The following TRIO variants were observed in gnomAD, a reference collection of about 807,000 sequenced individuals.
TRIO encodes trio Rho guanine nucleotide exchange factor.
A neutral mutation model predicts 351.9 loss-of-function variants in TRIO; 58 were observed. That is an observed-to-expected ratio of 0.16 (90% confidence interval 0.13 to 0.21). The LOEUF (loss-of-function observed/expected upper bound fraction) is 0.21, where lower values mean the gene tolerates loss of function less well. Ranked by LOEUF, TRIO falls within the 10% of genes least tolerant of loss-of-function variation. The pLI is 1.00. For missense variants in TRIO, 3,201 were observed against 4,027.8 expected, an observed-to-expected ratio of 0.79 and a Z score of 5.56; for synonymous variants, 1,758 against 1,595.7, an observed-to-expected ratio of 1.10 and a Z score of -2.42.
intron 21 of TRIO, 61 bp from the exon 22 acceptor site, chr5:14,387,377 T>TTTGA: frequency 1.3e-6 from 2 of 1,526,792 alleles, no homozygotes. Context: ...CGCCACTGTG[T>TTTGA]TTGAGGTTTC....
intron 1 of TRIO, among the ~76,000 whole-genome samples, chr5:14,240,588 C>T (rs1794068471): frequency 6.6e-6 from 1 of 152,204 alleles, no homozygotes; most frequent in Non-Finnish European, 1.5e-5. Flanking sequence ...GTTAACCAGT[C>T]AGCCACTTTC....
chr5:14,364,850 G>C (rs201254508), intron 15 of TRIO, 34 bp downstream of exon 15: 2 of 1,583,118 alleles, frequency 1.3e-6, no homozygotes, highest in Non-Finnish European at 1.7e-6. Flanking sequence ...GGGAGGCTGC[G>C]CTACAGATGC....
chr5:14,218,626 G>A (rs1009324339), intron 1 of TRIO, among the ~76,000 whole-genome samples: 8 of 152,168 alleles, frequency 5.3e-5, no homozygotes, highest in Admixed American at 2.6e-4. Context: ...GCGCAGTGGG[G>A]CTGGAGCAGG....
intron 13 of TRIO, among the ~76,000 whole-genome samples, chr5:14,360,775 G>A (rs1744078005): frequency 6.6e-6 from 1 of 152,192 alleles, no homozygotes; most frequent in Non-Finnish European, 1.5e-5. Flanking sequence ...GCCTTTGCTT[G>A]GCCACTTGTC....
intron 11 of TRIO, among the ~76,000 whole-genome samples, chr5:14,349,214 A>G (rs1034263149): frequency 7.4e-6 from 1 of 134,718 alleles, no homozygotes; most frequent in Non-Finnish European, 1.5e-5. Flanking sequence ...ACACATGATC[A>G]TGTGTGTTTT....
chr5:14,175,074 G>C (rs1036989654), intron 1 of TRIO, among the ~76,000 whole-genome samples: 5 of 151,946 alleles, frequency 3.3e-5, no homozygotes, highest in Admixed American at 3.3e-4. Flanking sequence ...GATATAATTG[G>C]TTTTCTGGTT....
intron 34 of TRIO, among the ~76,000 whole-genome samples, chr5:14,433,680 G>A (rs1751362496): frequency 6.6e-6 from 1 of 152,122 alleles, no homozygotes; most frequent in African/African-American, 2.4e-5. Flanking sequence ...TGACTTCAAG[G>A]TAGAATACTG....
chr5:14,444,970 A>G (rs27115), intron 34 of TRIO, among the ~76,000 whole-genome samples: 79,879 of 152,076 alleles, frequency 0.53, 24,093 homozygotes, highest in African/African-American at 0.84. Context: ...TTCTTTTCTT[A>G]TTTCTAGACA....
At chr5:14,199,213 A>C (rs1790951931) in intron 1 of TRIO, among the ~76,000 whole-genome samples, 1 of 148,574 alleles carries the variant, frequency 6.7e-6, no homozygotes, top group Admixed American at 6.6e-5. Flanking sequence ...AAAAAAAAAA[A>C]AAAAAACCTC....
chr5:14,373,021 A>G (rs942513791), intron 18 of TRIO, among the ~76,000 whole-genome samples: 3 of 152,192 alleles, frequency 2.0e-5, no homozygotes, highest in Non-Finnish European at 4.4e-5. Flanking sequence ...CCTTCTTCAC[A>G]TGGCGCGGGA....
chr5:14,497,432 T>C lies in TRIO; in HGVS notation c.8019+415T>C, dbSNP rs1334110330. On this transcript the variant is annotated intron_variant, in intron 50 of 56. Coordinates refer to ENST00000344204, the MANE Select transcript of TRIO (RefSeq NM_007118.4). This position sits in a 1 kb window ranked among gnomAD's most constrained non-coding sequence, Gnocchi z 4.4. ...GGCTCTCTGGCTGTGACAGATCCCCTTGGGGACAACTTCAGTCAGCTTTAG... is the reference window on the plus strand; with the variant it reads ...GGCTCTCTGGCTGTGACAGATCCCCCTGGGGACAACTTCAGTCAGCTTTAG... Among the ~76,000 whole-genome samples, 1 of 152,182 alleles carries C rather than the reference T, an allele frequency of 6.6e-6. No homozygotes were observed. Among genetic ancestry groups the C allele is most frequent in the Non-Finnish European group, 1.5e-5 (1 of 68,026 alleles).
intron 1 of TRIO, among the ~76,000 whole-genome samples, chr5:14,252,254 C>G (rs959375331): frequency 3.9e-5 from 6 of 152,218 alleles, no homozygotes; most frequent in African/African-American, 1.4e-4. Context: ...GCTTTTCCTT[C>G]CTGATAATTC....
chr5:14,437,651 TC>T (rs1751688711), intron 34 of TRIO, among the ~76,000 whole-genome samples: 1 of 149,666 alleles, frequency 6.7e-6, no homozygotes, highest in Non-Finnish European at 1.5e-5. Flanking sequence ...CATCTCCTCT[TC>T]CCGTGAGGAC....
chr5:14,457,353 C>A, intron 34 of TRIO, among the ~76,000 whole-genome samples: 1 of 149,848 alleles, frequency 6.7e-6, no homozygotes. Flanking sequence ...GATGAGCTCC[C>A]ACCTTGGGCA....
intron 56 of TRIO, 78 bp from the exon 57 acceptor site, chr5:14,507,802 C>T: frequency 6.6e-7 from 1 of 1,520,260 alleles, no homozygotes; most frequent in African/African-American, 1.4e-5. Flanking sequence ...TTCCACCTCA[C>T]CATAGAGTCC....
chr5:14,289,421 G>A (rs1736718174), intron 4 of TRIO, among the ~76,000 whole-genome samples: 1 of 152,088 alleles, frequency 6.6e-6, no homozygotes, highest in African/African-American at 2.4e-5. Context: ...AGGTGTGGTG[G>A]CACACGTGTA....
chr5:14,246,896 A>C (rs1033367233), intron 1 of TRIO, among the ~76,000 whole-genome samples: 9 of 150,930 alleles, frequency 6.0e-5, no homozygotes, highest in African/African-American at 2.0e-4. Flanking sequence ...CACCTTCACA[A>C]CTCCCCTTCA....
At chr5:14,491,548 A>G (rs1296917274) in intron 48 of TRIO, among the ~76,000 whole-genome samples, 3 of 152,120 alleles carry the variant, frequency 2.0e-5, no homozygotes, top group African/African-American at 7.2e-5. Context: ...TCCACCCAGA[A>G]CCATAGGCCA....
chr5:14,199,535 G>A (rs1425584018), intron 1 of TRIO, among the ~76,000 whole-genome samples: 1 of 152,220 alleles, frequency 6.6e-6, no homozygotes, highest in Non-Finnish European at 1.5e-5. Context: ...GTACTAAGAA[G>A]AAACTGTTGT....
Sources: allele counts gnomAD v4.1 joint callset (sites outside exome capture counted in the v4.1 genomes callset), GRCh38; gene constraint gnomAD v4.1.1; non-coding constraint Gnocchi (gnomAD v3.1); transcripts MANE v1.5; gene names NCBI Gene and HGNC (gene_info 2026-07-23, HGNC 2026-07-21).